Variants in PRKCZ observed in about 807,000 individuals in gnomAD.
PRKCZ encodes the protein protein kinase C zeta type.
PRKCZ carries 33 observed loss-of-function variants against 79.5 expected under a neutral mutation model. That is an observed-to-expected ratio of 0.41 (90% CI 0.31 to 0.55). The LOEUF (loss-of-function observed/expected upper bound fraction) is 0.55, where lower values mean the gene tolerates loss of function less well. Among genes scored for constraint, PRKCZ ranks in the 20% least tolerant of loss-of-function variants. PRKCZ has a pLI of 0.19. For synonymous variants in PRKCZ, 342 were observed against 320.9 expected, an observed-to-expected ratio of 1.07 and a Z score of -0.70; for missense variants, 578 against 813.5, an observed-to-expected ratio of 0.71 and a Z score of 3.52.
At chr1:2,171,939 T>C in intron 11 of PRKCZ, 116 bp from the exon 12 acceptor site, 1 of 1,292,794 alleles carries the variant, frequency 7.7e-7, no homozygotes, top group Non-Finnish European at 1.0e-6. Flanking sequence ...GGCCTGGTCA[T>C]TGAGAGGATG....
In PRKCZ at chr1:2,175,118, G is replaced by C. The variant is rs1685187111; in HGVS notation, c.1486-106G>C. ...TCTGATTTCCACCACCTGGGTCAGA[G>C]CATCGGGGGAGGGCTTGTCAGCACT... On this transcript the variant is annotated intron_variant, in intron 15 of 17. Transcript: ENST00000378567. 7.3e-6 allele frequency: 7 copies of C among 958,662 alleles called. No individual in the cohort carries two copies. In the East Asian group the frequency reaches 1.7e-4, roughly 24 times the overall value. 59.4% of individuals were successfully genotyped at this position (958,662 alleles called of 1,614,324 possible).
At chr1:2,129,901 G>GT (rs1366114536) in intron 4 of PRKCZ, among the ~76,000 whole-genome samples, 8 of 152,064 alleles carry the variant, frequency 5.3e-5, no homozygotes, top group Non-Finnish European at 1.0e-4. Context: ...TTTTTTGTTT[G>GT]TTTGTTTTGT....
In PRKCZ at chr1:2,082,467, G is replaced by GT; in HGVS notation, c.334+22877dup. On this transcript the variant is annotated intron_variant, in intron 4 of 17. Coordinates refer to ENST00000378567, the MANE Select transcript of PRKCZ (RefSeq NM_002744.6). This position sits in a 1 kb window ranked among gnomAD's most constrained non-coding sequence, Gnocchi z 4.4. ...GAGACTGTAATTTCATTCTGTGAGT[G>GT]TAAGATCACGTCCGCGTTCCTAGCG... 1 of 454,922 alleles carries GT rather than the reference G, an allele frequency of 2.2e-6. No individual in the cohort carries two copies. The highest frequency in any genetic ancestry group is 4.4e-6 in the Non-Finnish European group (1 of 226,236). 28.2% of individuals were successfully genotyped at this position (454,922 alleles called of 1,614,324 possible).
At chr1:2,171,286 G>A (rs1684374142) in intron 11 of PRKCZ, among the ~76,000 whole-genome samples, 1 of 147,236 alleles carries the variant, frequency 6.8e-6, no homozygotes, top group South Asian at 2.2e-4. Context: ...AGCTTACAGT[G>A]AGCCAAGATC....
intron 4 of PRKCZ, among the ~76,000 whole-genome samples, chr1:2,087,586 C>G (rs1359140832): frequency 6.6e-6 from 1 of 152,096 alleles, no homozygotes; most frequent in Admixed American, 6.5e-5. Flanking sequence ...CTTATTTTTG[C>G]ATTAATTGGG....
intron 1 of PRKCZ, among the ~76,000 whole-genome samples, chr1:2,054,656 A>C (rs1247696476): frequency 6.6e-6 from 1 of 151,814 alleles, no homozygotes; most frequent in East Asian, 1.9e-4. Flanking sequence ...GTGGCCTTTC[A>C]TTATGGAATT....
chr1:2,077,107 C>T lies in PRKCZ; in HGVS notation c.334+17516C>T, dbSNP rs371574360. Among the ~76,000 whole-genome samples, 45 of 152,306 alleles carry T rather than the reference C, an allele frequency of 3.0e-4. 1 individual carries two copies. In the East Asian group the frequency reaches 4.2e-3, roughly 14 times the overall value. ...GTTGACACGAACAGATCCCTGCTGC[C>T]GGTTGTTCTGGCGGTGCTGTGAGCA... On this transcript the variant is annotated intron_variant, in intron 4 of 17. Coordinates refer to ENST00000378567, the MANE Select transcript of PRKCZ (RefSeq NM_002744.6).
chr1:2,162,836 G>A (rs1682584531), intron 10 of PRKCZ, among the ~76,000 whole-genome samples: 1 of 152,168 alleles, frequency 6.6e-6, no homozygotes, highest in South Asian at 2.1e-4. Flanking sequence ...TCCAGCAGCA[G>A]GCAGCTTGGT....
At chr1:2,107,140 C>T (rs1668708151) in intron 4 of PRKCZ, among the ~76,000 whole-genome samples, 1 of 152,268 alleles carries the variant, frequency 6.6e-6, no homozygotes, top group Non-Finnish European at 1.5e-5. Context: ...GGTTCTGCGT[C>T]TGTGACCGGG....
intron 5 of PRKCZ, among the ~76,000 whole-genome samples, chr1:2,137,111 G>A (rs2103044530): frequency 6.6e-6 from 1 of 152,316 alleles, no homozygotes; most frequent in South Asian, 2.1e-4. Context: ...GCCTCTGCCA[G>A]AGGCTCCAGA....
chr1:2,079,803 G>C (rs922954830), intron 4 of PRKCZ, among the ~76,000 whole-genome samples: 4 of 152,122 alleles, frequency 2.6e-5, no homozygotes, highest in African/African-American at 4.8e-5. Flanking sequence ...CTGGGCCCCT[G>C]GTGACCCGCA....
intron 1 of PRKCZ, among the ~76,000 whole-genome samples, chr1:2,051,800 C>A (rs1659688587): frequency 6.6e-6 from 1 of 152,160 alleles, no homozygotes; most frequent in South Asian, 2.1e-4. Flanking sequence ...CTCGGGTCAG[C>A]CATCTGGGGC....
intron 4 of PRKCZ, among the ~76,000 whole-genome samples, chr1:2,104,482 A>T (rs1668024592): frequency 2.0e-5 from 3 of 152,052 alleles, no homozygotes; most frequent in African/African-American, 7.2e-5. Flanking sequence ...TGCGAGGGGT[A>T]TGTGTTCTAG....
chr1:2,104,746 C>T, intron 4 of PRKCZ: 11 of 985,694 alleles, frequency 1.1e-5, no homozygotes, highest in Non-Finnish European at 1.3e-5. Context: ...ACAGGCAGGA[C>T]GCAGCGGGCT....
chr1:2,109,160 A>G (rs912330003), intron 4 of PRKCZ, among the ~76,000 whole-genome samples: 2 of 152,146 alleles, frequency 1.3e-5, no homozygotes, highest in East Asian at 3.9e-4. Context: ...ACGGAAGGTG[A>G]CACAGTCTTG....
At chr1:2,136,121 C>T (rs1033458109) in intron 5 of PRKCZ, among the ~76,000 whole-genome samples, 1 of 152,178 alleles carries the variant, frequency 6.6e-6, no homozygotes, top group Non-Finnish European at 1.5e-5. Context: ...CGTGGCCTCA[C>T]GTGTCAACCT....
At chr1:2,107,913 G>A (rs1039771725) in intron 4 of PRKCZ, among the ~76,000 whole-genome samples, 6 of 147,890 alleles carry the variant, frequency 4.1e-5, no homozygotes, top group Non-Finnish European at 7.4e-5. Context: ...GGGCAGTGTC[G>A]GGAGCCCCCC....
chr1:2,068,952 G>A (rs1661341675), intron 4 of PRKCZ, among the ~76,000 whole-genome samples: 1 of 152,198 alleles, frequency 6.6e-6, no homozygotes, highest in Non-Finnish European at 1.5e-5. Context: ...TCTAAGAAGG[G>A]AGGCCTGGGT....
chr1:2,101,726 C>T (rs912401699), intron 4 of PRKCZ, among the ~76,000 whole-genome samples: 1 of 152,158 alleles, frequency 6.6e-6, no homozygotes, highest in African/African-American at 2.4e-5. Context: ...GGGTCTGGAC[C>T]GCATCTGATA....
Sources: allele counts gnomAD v4.1 joint callset (sites outside exome capture counted in the v4.1 genomes callset), GRCh38; gene constraint gnomAD v4.1.1; non-coding constraint Gnocchi (gnomAD v3.1); transcripts MANE v1.5; gene names NCBI Gene and HGNC (gene_info 2026-07-23, HGNC 2026-07-21).